The following COL4A5 variants were observed in gnomAD, a reference collection of about 807,000 sequenced individuals.
COL4A5 encodes collagen type IV alpha 5 chain.
COL4A5 carries 26 observed loss-of-function variants against 130.2 expected under a neutral mutation model. That is an observed-to-expected ratio of 0.20 (90% CI 0.15 to 0.28). The LOEUF (loss-of-function observed/expected upper bound fraction) is 0.28. Ranked by LOEUF, COL4A5 falls within the 10% of genes least tolerant of loss-of-function variation. The probability of loss-of-function intolerance (pLI) is 1.00; values close to 1 mark genes in which losing one functional copy is unlikely to be tolerated. For missense variants in COL4A5, 1,131 were observed against 1,344.3 expected (o/e 0.84, Z 2.48); for synonymous variants, 496 against 439.6 (o/e 1.13, Z -1.60).
At chrX:108,479,915 G>T (rs1191923392) in intron 1 of COL4A5, among the ~76,000 whole-genome samples, 3 of 111,507 alleles carry the variant, frequency 2.7e-5, no homozygotes, top group African/African-American at 9.8e-5. Context: ...GCAGAGGATG[G>T]CAGGGTCTTG....
chrX:108,677,620 C>A lies in COL4A5; in HGVS notation c.3929C>A (p.Pro1310Gln). Reference protein sequence around the residue: ...GLPGLKGDQGPPGLQGNPGRP... With the variant: ...GLPGLKGDQGQPGLQGNPGRP... ...CCTGGTTTGAAAGGAGATCAAGGACCACCAGGACTCCAGGTAGGAAATGGA... is the reference window on the plus strand; with the variant it reads ...CCTGGTTTGAAAGGAGATCAAGGACAACCAGGACTCCAGGTAGGAAATGGA... The change falls in exon 44 of 53, where the codon CCA (proline) becomes CAA (glutamine). Residue 1310 changes from proline (P) to glutamine (Q), a missense_variant. Pro to Gln is a moderately conservative substitution (Grantham distance 76). Coordinates refer to ENST00000328300, the MANE Select transcript of COL4A5 (RefSeq NM_033380.3). 1 of 1,210,377 alleles carries A rather than the reference C, an allele frequency of 8.3e-7. No individual in the cohort carries two copies. The highest frequency in any genetic ancestry group is 1.8e-5 in the South Asian group (1 of 56,922).
intron 6 of COL4A5, among the ~76,000 whole-genome samples, chrX:108,569,962 G>T (rs2066036163): frequency 9.0e-6 from 1 of 111,435 alleles, no homozygotes; most frequent in African/African-American, 3.3e-5. Context: ...TTACAGGTGC[G>T]AGCCACCGCG....
intron 21 of COL4A5, among the ~76,000 whole-genome samples, chrX:108,592,337 A>G (rs1200701066): frequency 9.1e-6 from 1 of 110,168 alleles, no homozygotes; most frequent in Non-Finnish European, 1.9e-5. Context: ...TTTTCCAGCA[A>G]TTTTTGCCTC....
Position 108,597,054 on chromosome X carries a change from C to T in COL4A5, c.1573C>T (p.Pro525Ser). The change falls in exon 23 of 53, where the codon CCC becomes TCC. Residue 525 changes from proline to serine, a missense_variant. Transcript: ENST00000328300. ...AAAAGGACAAGCTGGTGCAACTGGT[C>T]CCAAAGGATTACCAGTAAGTTTTGA... ...GEKGQAGATG[P>S]KGLPGIPGAP... 1 of 1,191,176 alleles carries T rather than the reference C, an allele frequency of 8.4e-7. No individual in the cohort carries two copies.
In COL4A5 at chrX:108,647,255, A is replaced by C. The variant is rs781030158; in HGVS notation, c.3247-8076A>C. Among the ~76,000 whole-genome samples, 581 of 111,109 alleles carry C rather than the reference A, an allele frequency of 5.2e-3. 2 individuals are homozygous for C. The highest frequency in any genetic ancestry group is 0.018 in the African/African-American group (554 of 30,472). Reference sequence around the variant, plus strand: ...ATTTGTTTGTATGCTCTTTTATTTCATTGAGCAGTGGTTTGTAGTTCTCCT... The same window carrying C: ...ATTTGTTTGTATGCTCTTTTATTTCCTTGAGCAGTGGTTTGTAGTTCTCCT... On this transcript the variant is annotated intron_variant, in intron 36 of 52. Coordinates refer to ENST00000328300, the MANE Select transcript of COL4A5 (RefSeq NM_033380.3).
At chrX:108,547,559 G>A (rs764987521) in intron 2 of COL4A5, among the ~76,000 whole-genome samples, 1 of 112,107 alleles carries the variant, frequency 8.9e-6, no homozygotes, top group East Asian at 2.8e-4. Flanking sequence ...AGGGGTCAGG[G>A]ACCCACTTGA....
chrX:108,611,245 C>T (rs769180243), intron 29 of COL4A5, among the ~76,000 whole-genome samples: 2 of 110,800 alleles, frequency 1.8e-5, no homozygotes, highest in Admixed American at 9.6e-5. Context: ...TAAGGTTGAA[C>T]GTTAGAATCA....
chrX:108,583,444 G>A (rs1444441630), intron 17 of COL4A5, among the ~76,000 whole-genome samples: 3 of 111,768 alleles, frequency 2.7e-5, no homozygotes, highest in East Asian at 5.6e-4. Flanking sequence ...TATTTTTCAA[G>A]TGACTTTGAA....
intron 36 of COL4A5, among the ~76,000 whole-genome samples, chrX:108,641,957 T>C (rs2067476065): frequency 8.9e-6 from 1 of 111,982 alleles, no homozygotes; most frequent in Non-Finnish European, 1.9e-5. Flanking sequence ...CCAAGCCCTT[T>C]TCTTTTGCAG....
intron 1 of COL4A5, among the ~76,000 whole-genome samples, chrX:108,458,977 CAAA>C (rs60364374): frequency 1.1e-5 from 1 of 95,126 alleles, no homozygotes; most frequent in East Asian, 3.5e-4. Context: ...GACTCCGTCT[CAAA>C]AAAAAAAAAA....
intron 36 of COL4A5, among the ~76,000 whole-genome samples, chrX:108,643,922 G>A (rs1418969334): frequency 1.8e-5 from 2 of 111,860 alleles, no homozygotes; most frequent in Non-Finnish European, 3.8e-5. Flanking sequence ...TGGCCTAAAT[G>A]CTCCACTTAA....
intron 1 of COL4A5, among the ~76,000 whole-genome samples, chrX:108,526,466 CCTTTT>C (rs766385834): frequency 9.1e-5 from 10 of 110,350 alleles, no homozygotes; most frequent in Non-Finnish European, 1.7e-4. Flanking sequence ...TTTTCCCTTT[CCTTTT>C]CCTCTTTCTT....
In COL4A5 at chrX:108,582,873, A is replaced by G. The variant is rs762953222; in HGVS notation, c.937-11A>G. The G allele has an allele frequency of 2.3e-5, 27 of 1,190,276 alleles. No homozygotes were observed. Among genetic ancestry groups the G allele is most frequent in the Admixed American group, 8.8e-5 (4 of 45,515 alleles). On this transcript the variant is annotated splice_polypyrimidine_tract_variant and intron_variant, in intron 16 of 52. Transcript: ENST00000328300. ...TTGTGCTGATGTCACCCTATCCTCTATGTTTTAAAGGGTTTGCCTGGTGAT... is the reference window on the plus strand; with the variant it reads ...TTGTGCTGATGTCACCCTATCCTCTGTGTTTTAAAGGGTTTGCCTGGTGAT...
At chrX:108,527,645 C>G (rs1222004760) in intron 1 of COL4A5, among the ~76,000 whole-genome samples, 4 of 111,682 alleles carry the variant, frequency 3.6e-5, no homozygotes, top group African/African-American at 9.8e-5. Flanking sequence ...TTACCCTACC[C>G]CCACCTAACA....
intron 1 of COL4A5, among the ~76,000 whole-genome samples, chrX:108,452,318 G>T (rs1165409203): frequency 9.0e-6 from 1 of 111,422 alleles, no homozygotes; most frequent in Non-Finnish European, 1.9e-5. Context: ...GCTCTTTTTT[G>T]GTTCCATATG....
rs191043562 is a variant in COL4A5, at chrX:108,697,389, T to C, written c.*1011T>C. 2.7e-5 allele frequency: 3 copies of C among 111,068 alleles called. No homozygotes were observed. Among genetic ancestry groups the C allele is most frequent in the Non-Finnish European group, 1.9e-5 (1 of 53,086 alleles). The allele number at this position is 111,068 out of a possible 1,213,427, so 9.2% of individuals were successfully genotyped here. ...AACACTTGGTTAGTCTCTTTTAAGT[T>C]ACAAAAAGCCAATTGATGTTTCTTA... is the stretch of plus-strand genomic sequence containing the variant. On this transcript the variant is annotated 3_prime_UTR_variant, in exon 53 of 53. Transcript: ENST00000328300.
At chrX:108,639,595 C>A (rs1250359061) in intron 36 of COL4A5, among the ~76,000 whole-genome samples, 1 of 111,097 alleles carries the variant, frequency 9.0e-6, no homozygotes, top group Non-Finnish European at 1.9e-5. Flanking sequence ...AGTGAAAAGG[C>A]AACTCATGGG....
At chrX:108,553,807 A>G (rs1007463502) in intron 2 of COL4A5, among the ~76,000 whole-genome samples, 6 of 111,883 alleles carry the variant, frequency 5.4e-5, no homozygotes, top group Non-Finnish European at 9.4e-5. Context: ...AATAGCCAGA[A>G]ACTGGAAACA....
chrX:108,472,025 G>A (rs1025146268), intron 1 of COL4A5, among the ~76,000 whole-genome samples: 1 of 110,927 alleles, frequency 9.0e-6, no homozygotes, highest in Admixed American at 9.6e-5. Flanking sequence ...ATAATTTTTA[G>A]TATGTTGTAT....
Sources: allele counts gnomAD v4.1 joint callset (sites outside exome capture counted in the v4.1 genomes callset), GRCh38; gene constraint gnomAD v4.1.1; transcripts MANE v1.5; gene names NCBI Gene and HGNC (gene_info 2026-07-23, HGNC 2026-07-21).